Variants in ZFHX3 observed in about 807,000 individuals in gnomAD.
ZFHX3 encodes the protein zinc finger homeobox protein 3.
ZFHX3 carries 42 observed loss-of-function variants against 279.1 expected under a neutral mutation model. The ratio of observed to expected loss-of-function variants is 0.15; its 90% confidence interval spans 0.12 to 0.19. The LOEUF (loss-of-function observed/expected upper bound fraction) is 0.19, where lower values mean the gene tolerates loss of function less well. ZFHX3 is among the 10% of genes least tolerant of loss of function. ZFHX3 has a pLI of 1.00. For synonymous variants in ZFHX3, 2,293 were observed against 1,957.8 expected (o/e 1.17, Z -4.52); for missense variants, 4,981 against 4,754.0 (o/e 1.05, Z -1.40).
At chr16:72,825,688 C>T (rs978707597) in intron 5 of ZFHX3, among the ~76,000 whole-genome samples, 3 of 152,116 alleles carry the variant, frequency 2.0e-5, no homozygotes, top group Non-Finnish European at 2.9e-5. Flanking sequence ...TTTATGCAGC[C>T]GTTATAATTA....
chr16:72,935,211 T>C (rs923115060), intron 3 of ZFHX3, among the ~76,000 whole-genome samples: 3 of 152,168 alleles, frequency 2.0e-5, no homozygotes, highest in African/African-American at 7.2e-5. Context: ...GTGTGGCTTG[T>C]ACATGGGACA....
chr16:72,901,873 C>G (rs1018212955), intron 3 of ZFHX3, among the ~76,000 whole-genome samples: 6 of 152,106 alleles, frequency 3.9e-5, no homozygotes, highest in South Asian at 2.1e-4. Context: ...CATAAATAAC[C>G]CAGACAAACA....
chr16:73,246,117 G>A (rs915254644), intron 5 of ZFHX3, among the ~76,000 whole-genome samples: 1 of 152,172 alleles, frequency 6.6e-6, no homozygotes, highest in African/African-American at 2.4e-5. Flanking sequence ...CTTCCAACAA[G>A]GGTGGCACTT....
At chr16:73,321,481 A>C (rs1427391496) in intron 3 of ZFHX3, among the ~76,000 whole-genome samples, 1 of 152,210 alleles carries the variant, frequency 6.6e-6, no homozygotes, top group East Asian at 1.9e-4. Context: ...AATTATTATT[A>C]TTCCCTTTGG....
intron 1 of ZFHX3, among the ~76,000 whole-genome samples, chr16:73,004,161 T>TTTTTTTTTTC (rs1963613427): frequency 9.3e-6 from 1 of 107,092 alleles, no homozygotes; most frequent in African/African-American, 3.8e-5. Context: ...AAACACGACT[T>TTTTTTTTTTC]TTTTTTTTTT....
chr16:73,371,645 G>C (rs1276392588), intron 3 of ZFHX3, among the ~76,000 whole-genome samples: 1 of 152,150 alleles, frequency 6.6e-6, no homozygotes, highest in East Asian at 2.0e-4. Context: ...GCTGTAGCAA[G>C]CACTAGTGAG....
intron 2 of ZFHX3, among the ~76,000 whole-genome samples, chr16:73,494,559 G>C (rs183641672): frequency 1.3e-5 from 2 of 151,876 alleles, no homozygotes; most frequent in Non-Finnish European, 2.9e-5. Flanking sequence ...ACAAACTATG[G>C]TGTCTGTTTG....
chr16:73,493,419 G>A (rs557032806), intron 2 of ZFHX3, among the ~76,000 whole-genome samples: 4 of 152,224 alleles, frequency 2.6e-5, no homozygotes, highest in South Asian at 2.1e-4. Flanking sequence ...ATAATACACT[G>A]AAAGAAAGCT....
At chr16:73,104,707 C>G (rs1214845763) in intron 7 of ZFHX3, among the ~76,000 whole-genome samples, 1 of 152,138 alleles carries the variant, frequency 6.6e-6, no homozygotes, top group South Asian at 2.1e-4. Context: ...CTCTCAGGGC[C>G]TCGGTTGACT....
intron 2 of ZFHX3, among the ~76,000 whole-genome samples, chr16:73,476,219 A>G (rs993019612): frequency 6.6e-6 from 1 of 151,824 alleles, no homozygotes; most frequent in Non-Finnish European, 1.5e-5. Context: ...AATATATCCA[A>G]CTGGTGTTGA....
intron 2 of ZFHX3, among the ~76,000 whole-genome samples, chr16:72,953,300 A>G (rs1373998311): frequency 2.2e-5 from 3 of 138,244 alleles, no homozygotes; most frequent in Admixed American, 1.5e-4. Context: ...AGGAAAAAGA[A>G]AAAAAAAAAA....
chr16:73,839,326 C>CAAAAAAGAAAAAAAAAA (rs1961233006), intron 1 of ZFHX3, among the ~76,000 whole-genome samples: 2 of 30,044 alleles, frequency 6.7e-5, no homozygotes, highest in African/African-American at 2.4e-4. Context: ...GACTCCATCT[C>CAAAAAAGAAAAAAAAAA]AAAAAAAAAA....
chr16:73,111,905 G>A (rs16971594), intron 7 of ZFHX3, among the ~76,000 whole-genome samples: 5,129 of 152,178 alleles, frequency 0.034, 281 homozygotes, highest in African/African-American at 0.12. Context: ...TAACAAATTC[G>A]TGTAAGTTCT....
intron 2 of ZFHX3, among the ~76,000 whole-genome samples, chr16:73,496,261 C>T (rs985265811): frequency 6.6e-6 from 1 of 152,176 alleles, no homozygotes; most frequent in Non-Finnish European, 1.5e-5. Flanking sequence ...CCGGGCGTGG[C>T]GGCTCACGCC....
intron 1 of ZFHX3, among the ~76,000 whole-genome samples, chr16:73,746,038 C>G (rs549421502): frequency 3.3e-5 from 5 of 151,948 alleles, no homozygotes; most frequent in African/African-American, 1.2e-4. Context: ...CAAATTCCCT[C>G]TATTTATTTT....
intron 1 of ZFHX3, among the ~76,000 whole-genome samples, chr16:73,055,052 A>G (rs1232707541): frequency 6.6e-6 from 1 of 152,062 alleles, no homozygotes. Context: ...GAGAAAAAAA[A>G]AAAAGGCAGC....
At chr16:73,338,060 G>T (rs1302687629) in intron 3 of ZFHX3, among the ~76,000 whole-genome samples, 1 of 152,036 alleles carries the variant, frequency 6.6e-6, no homozygotes, top group Non-Finnish European at 1.5e-5. Context: ...AACCCTAACT[G>T]ATCTTGCTCA....
intron 1 of ZFHX3, among the ~76,000 whole-genome samples, chr16:72,994,412 G>C (rs1038552678): frequency 1.3e-5 from 2 of 152,162 alleles, no homozygotes; most frequent in South Asian, 2.1e-4. Context: ...AAGCCCCCAG[G>C]TGCCATTTCT....
intron 5 of ZFHX3, among the ~76,000 whole-genome samples, chr16:72,820,354 T>A (rs2036753191): frequency 6.6e-6 from 1 of 152,208 alleles, no homozygotes; most frequent in Non-Finnish European, 1.5e-5. Flanking sequence ...ACCACACTGA[T>A]TTGAGTTCCC....
Sources: allele counts gnomAD v4.1 joint callset (sites outside exome capture counted in the v4.1 genomes callset), GRCh38; gene constraint gnomAD v4.1.1; transcripts MANE v1.5; gene names NCBI Gene and HGNC (gene_info 2026-07-23, HGNC 2026-07-21).